LARS2: variants seen among roughly 807,000 people sequenced by gnomAD.
LARS2 encodes the protein leucyl-tRNA synthetase 2, mitochondrial.
LARS2 carries 81 observed loss-of-function variants against 116.6 expected under a neutral mutation model. The observed-to-expected ratio is 0.69, with a 90% CI of 0.58 to 0.84. The LOEUF (loss-of-function observed/expected upper bound fraction) is 0.84. Ranked by LOEUF, LARS2 falls within the 40% of genes least tolerant of loss-of-function variation. The pLI is 0.00. For missense variants in LARS2, 968 were observed against 1,114.5 expected (o/e 0.87, Z 1.87); for synonymous variants, 396 against 407.2 (o/e 0.97, Z 0.33).
At chr3:45,427,816 C>CTT (rs935071639) in intron 6 of LARS2, among the ~76,000 whole-genome samples, 2 of 123,792 alleles carry the variant, frequency 1.6e-5, no homozygotes, top group South Asian at 2.7e-4. Context: ...CCTTGTTTTC[C>CTT]TTTTTTTTCT....
intron 7 of LARS2, among the ~76,000 whole-genome samples, chr3:45,454,280 A>C (rs1458634197): frequency 6.6e-6 from 1 of 152,236 alleles, no homozygotes; most frequent in African/African-American, 2.4e-5. Flanking sequence ...GCCTGCTCCC[A>C]CTGATCACTG....
chr3:45,479,049 T>A (rs1410126191), intron 10 of LARS2, among the ~76,000 whole-genome samples: 2 of 151,514 alleles, frequency 1.3e-5, no homozygotes, highest in Non-Finnish European at 3.0e-5. Context: ...GACCACCGAG[T>A]GTCATGGCAG....
chr3:45,527,285 G>A (rs1700544180), intron 20 of LARS2, among the ~76,000 whole-genome samples: 1 of 152,196 alleles, frequency 6.6e-6, no homozygotes, highest in Non-Finnish European at 1.5e-5. Context: ...GCTCTGGATT[G>A]AGTGCTGTCA....
chr3:45,422,580 G>C (rs1477031552), intron 6 of LARS2, among the ~76,000 whole-genome samples: 1 of 152,002 alleles, frequency 6.6e-6, no homozygotes, highest in Non-Finnish European at 1.5e-5. Context: ...CCTTCTCTTT[G>C]TTGATTTAAA....
At chr3:45,490,733 T>C (rs1287314104) in intron 12 of LARS2, among the ~76,000 whole-genome samples, 3 of 152,254 alleles carry the variant, frequency 2.0e-5, no homozygotes, top group Non-Finnish European at 4.4e-5. Context: ...CCAGCACGTA[T>C]AGATGCCCAG....
At chr3:45,479,573 A>T (rs1575280294) in intron 10 of LARS2, among the ~76,000 whole-genome samples, 1 of 152,110 alleles carries the variant, frequency 6.6e-6, no homozygotes, top group African/African-American at 2.4e-5. Flanking sequence ...AGCATCCTTA[A>T]TTTGGCACAG....
At chr3:45,466,471 A>C (rs1274601777) in intron 8 of LARS2, among the ~76,000 whole-genome samples, 1 of 152,230 alleles carries the variant, frequency 6.6e-6, no homozygotes, top group Non-Finnish European at 1.5e-5. Context: ...CTGCTGCTTG[A>C]AATTGCAAAA....
At chr3:45,420,186 C>G (rs183879641) in intron 6 of LARS2, among the ~76,000 whole-genome samples, 38 of 152,322 alleles carry the variant, frequency 2.5e-4, no homozygotes, top group Admixed American at 1.9e-3. Context: ...TGGTGTTAGA[C>G]ACTTTCAAAC....
chr3:45,400,000 A>AG (rs1698116759), intron 3 of LARS2, among the ~76,000 whole-genome samples: 3 of 152,168 alleles, frequency 2.0e-5, no homozygotes, highest in Admixed American at 1.3e-4. Context: ...GAGAAAAAAA[A>AG]AAGATATATG....
intron 20 of LARS2, among the ~76,000 whole-genome samples, chr3:45,526,041 G>A (rs1005919871): frequency 6.6e-6 from 1 of 152,180 alleles, no homozygotes; most frequent in African/African-American, 2.4e-5. Context: ...TTCATGAGTT[G>A]AGCAAGATTT....
chr3:45,472,785 G>T (rs1345211702), intron 8 of LARS2, among the ~76,000 whole-genome samples: 1 of 152,220 alleles, frequency 6.6e-6, no homozygotes, highest in African/African-American at 2.4e-5. Flanking sequence ...TACTTGTGGA[G>T]TGACTTGGGG....
At chr3:45,506,544 A>G (rs1700202967) in intron 15 of LARS2, among the ~76,000 whole-genome samples, 1 of 152,064 alleles carries the variant, frequency 6.6e-6, no homozygotes, top group South Asian at 2.1e-4. Flanking sequence ...TTAGCATTGT[A>G]ATTTCAGGAG....
intron 8 of LARS2, among the ~76,000 whole-genome samples, chr3:45,473,807 T>C (rs1699568078): frequency 6.6e-6 from 1 of 152,120 alleles, no homozygotes. Context: ...ACTTTTTAAA[T>C]GCAAAGATAA....
intron 6 of LARS2, among the ~76,000 whole-genome samples, chr3:45,443,558 G>A (rs747106378): frequency 2.0e-5 from 3 of 152,108 alleles, no homozygotes; most frequent in Non-Finnish European, 4.4e-5. Context: ...ACTGAAGGTC[G>A]GTCGGTGGCT....
At chr3:45,417,282 T>C (rs1698441840) in intron 4 of LARS2, among the ~76,000 whole-genome samples, 200 bp from the exon 5 acceptor site, 1 of 152,158 alleles carries the variant, frequency 6.6e-6, no homozygotes, top group East Asian at 1.9e-4. Flanking sequence ...AACTTATTGG[T>C]GCTTTGGCAT....
At chr3:45,405,525 A>G (rs864391) in intron 4 of LARS2, among the ~76,000 whole-genome samples, 110,975 of 152,114 alleles carry the variant, frequency 0.73, 41,561 homozygotes, top group African/African-American at 0.85. Context: ...TAGAACTCAC[A>G]TATCTCAGTG....
At chr3:45,544,237 G>T (rs1428065344) in intron 21 of LARS2, among the ~76,000 whole-genome samples, 2 of 152,218 alleles carry the variant, frequency 1.3e-5, no homozygotes, top group African/African-American at 4.8e-5. Context: ...AAGAGCTACC[G>T]CCTTGTCACC....
intron 6 of LARS2, among the ~76,000 whole-genome samples, chr3:45,445,273 C>G (rs1318720600): frequency 3.9e-5 from 6 of 152,218 alleles, no homozygotes; most frequent in African/African-American, 1.2e-4. Flanking sequence ...ATAGACCAAA[C>G]ATAGCTCCTG....
chr3:45,413,051 T>A lies in LARS2; in HGVS notation c.364-4431T>A, dbSNP rs1698358212. 1.3e-5 allele frequency among the ~76,000 whole-genome samples: 2 copies of A among 152,218 alleles called. 1 individual carries two copies. The highest frequency in any genetic ancestry group is 1.3e-4 in the Admixed American group (2 of 15,276). On this transcript the variant is annotated intron_variant, in intron 4 of 21. Coordinates refer to ENST00000645846, the MANE Select transcript of LARS2 (RefSeq NM_015340.4). Reference sequence around the variant, plus strand: ...GGAAAGAAGCACTGCTGGGCCTCTTTTACTGAAAAGGGGGCCAAGTACTTG... The same window carrying A: ...GGAAAGAAGCACTGCTGGGCCTCTTATACTGAAAAGGGGGCCAAGTACTTG...
Sources: allele counts gnomAD v4.1 joint callset (sites outside exome capture counted in the v4.1 genomes callset), GRCh38; gene constraint gnomAD v4.1.1; transcripts MANE v1.5; gene names NCBI Gene and HGNC (gene_info 2026-07-23, HGNC 2026-07-21).